The following ZNF785 variants were observed in gnomAD, a reference collection of about 807,000 sequenced individuals.
ZNF785 encodes the protein zinc finger protein 785.
Under a neutral mutation model 11.3 loss-of-function variants are expected in ZNF785, and 15 were observed. That is an observed-to-expected ratio of 1.32 (90% CI 0.89 to 2.04). ZNF785 has a LOEUF of 2.04. Among genes scored for constraint, ZNF785 ranks in the 30% most tolerant of loss-of-function variants. ZNF785 has a pLI of 0.00. For synonymous variants in ZNF785, 221 were observed against 231.0 expected, an observed-to-expected ratio of 0.96 and a Z score of 0.39; for missense variants, 572 against 560.9, an observed-to-expected ratio of 1.02 and a Z score of -0.20.
downstream of ZNF785, chr16:30,579,793 A>G (rs1430946050): frequency 2.2e-6 from 1 of 455,880 alleles, no homozygotes; most frequent in Non-Finnish European, 4.4e-6. Context: ...AGTCCCACCT[A>G]CCTCTTTTGT....
At chr16:30,578,508 TA>T (rs932762576), downstream of ZNF785, 3 of 152,204 alleles carry the variant, frequency 2.0e-5, no homozygotes, top group African/African-American at 7.2e-5. Context: ...AACTGAACTT[TA>T]AGTGGGAGCT....
At position 30,582,596 on chromosome 16, in the gene ZNF785, G is replaced by C. The variant is rs1597148395; in HGVS notation, c.1182C>G (p.Phe394Leu). 6.2e-7 allele frequency: 1 copy of C among 1,614,020 alleles called. No homozygotes were observed. Among genetic ancestry groups the C allele is most frequent in the South Asian group, 1.1e-5 (1 of 91,088 alleles). The stretch of plus-strand genomic sequence containing the variant: ...CTTGAAATATATCTGGAAAGTGCCG[G>C]AAGTGAACTGGGGGATCCTTGCCTC... ...VLGGKDPPVHFRHFPDIFQEC... is the reference protein window; with the variant it reads ...VLGGKDPPVHLRHFPDIFQEC... The change falls in exon 3 of 3, where the codon TTC becomes TTG. Residue 394 changes from phenylalanine to leucine, a missense_variant. Phe to Leu is a conservative substitution (Grantham distance 22, BLOSUM62 0). Transcript: ENST00000395216.
In ZNF785 at chr16:30,583,423, C is replaced by T. The variant is rs35974081; in HGVS notation, c.355G>A (p.Glu119Lys). ...GGACACTTCTTCAGCCTTTCCTTCT[C>T]CTCATTCCCATCCCTGGATCCTGAA... ...QEAGSRDGNE[E>K]KERLKKCPKQ... is the part of the protein sequence containing the mutation. Residue 119 changes from glutamate (E) to lysine (K), a missense_variant, in exon 3 of 3, where the codon GAG becomes AAG. By Grantham distance (56) the Glu-to-Lys change is moderately conservative. Coordinates refer to ENST00000395216, the MANE Select transcript of ZNF785 (RefSeq NM_152458.7). 14,654 of 1,553,224 alleles carry T rather than the reference C, an allele frequency of 9.4e-3. 93 individuals carry two copies. The highest frequency in any genetic ancestry group is 0.035 in the Middle Eastern group (200 of 5,768).
Position 30,585,112 on chromosome 16 carries a change from A to G in ZNF785, c.334+10T>C. 1 of 1,602,052 alleles carries G rather than the reference A, an allele frequency of 6.2e-7. No individual in the cohort carries two copies. Among genetic ancestry groups the G allele is most frequent in the Non-Finnish European group, 8.5e-7 (1 of 1,171,566 alleles). On this transcript the variant is annotated intron_variant, in intron 2 of 2. Coordinates refer to ENST00000395216, the MANE Select transcript of ZNF785 (RefSeq NM_152458.7). The surrounding 1 kb of genome is among the most constrained non-coding windows in gnomAD (Gnocchi z 4.0). ...GGGCTTCTCCACGGCTACTTATCCA[A>G]ATGAAGTACCTGCTTCCTGTCCTTG...
At chr16:30,578,471 C>T (rs976742414), downstream of ZNF785, 3 of 152,198 alleles carry the variant, frequency 2.0e-5, no homozygotes, top group East Asian at 1.9e-4. Context: ...GGGCTTCAAT[C>T]GACTTTACTT....
In ZNF785 at chr16:30,582,750, A is replaced by T; in HGVS notation, c.1028T>A (p.Val343Glu). 6.2e-7 allele frequency: 1 copy of T among 1,608,820 alleles called. No homozygotes were observed. The highest frequency in any genetic ancestry group is 8.5e-7 in the Non-Finnish European group (1 of 1,176,252). The change falls in exon 3 of 3, where the codon GTG (valine) becomes GAG (glutamate). Residue 343 changes from valine to glutamate, a missense_variant. Physicochemically the swap from Val to Glu is moderately radical, Grantham distance 121. Transcript: ENST00000395216. ...GCGCTTGAAGCCTTTCCCACACTCC[A>T]CGCAGGGGAAGGGCCGGCTGTCGGA... Reference protein sequence around the residue: ...IHSDSRPFPCVECGKGFKRKT... With the variant: ...IHSDSRPFPCEECGKGFKRKT...
Position 30,585,390 on chromosome 16 carries a change from G to C in ZNF785, c.205+17C>G. ...CACCGACGGACTGGGGGTCCCGGCC[G>C]GAGGGCCCGGCCTCACCCAGCGCGC... On this transcript the variant is annotated intron_variant, in intron 1 of 2. Transcript: ENST00000395216. This position sits in a 1 kb window ranked among gnomAD's most constrained non-coding sequence, Gnocchi z 4.0. 2 of 1,577,372 alleles carry C rather than the reference G, an allele frequency of 1.3e-6. No individual in the cohort carries two copies. The highest frequency in any genetic ancestry group is 1.7e-6 in the Non-Finnish European group (2 of 1,163,482).
rs2051839650 is a variant in ZNF785, at chr16:30,583,010, G to GT, written c.767dup (p.Tyr256Ter). Residue 256 changes from tyrosine (Y) to a stop codon, truncating the protein, a stop_gained and frameshift_variant, in exon 3 of 3, where the codon TAC becomes TAAC. Transcript: ENST00000395216. LOFTEE classifies it low-confidence loss of function (END_TRUNC). ...HRRAHTGEKP[Y>*]ACSDCKSRFT... is the part of the protein sequence containing the mutation. ...AGCGACTCTTGCAGTCTGAGCACGC[G>GT]TAAGGCTTCTCCCCGGTGTGAGCCC... 1 of 1,613,874 alleles carries GT rather than the reference G, an allele frequency of 6.2e-7. No homozygotes were observed. The highest frequency in any genetic ancestry group is 8.5e-7 in the Non-Finnish European group (1 of 1,179,980).
chr16:30,585,550 G>T lies in ZNF785; in HGVS notation c.62C>A (p.Thr21Lys). The part of the protein sequence containing the change: ...HVPGEAGPRR[T>K]RESRPGAVSF... ...CACGGCGCCCGGCCTGCTTTCCCTC[G>T]TCCTCCGGGGCCCGGCCTCCCCGGG... Residue 21 changes from threonine (T) to lysine (K), a missense_variant, in exon 1 of 3, where the codon ACG becomes AAG. Physicochemically the swap from Thr to Lys is moderately conservative, Grantham distance 78 (BLOSUM62 -1). Coordinates refer to ENST00000395216, the MANE Select transcript of ZNF785 (RefSeq NM_152458.7). The surrounding 1 kb of genome is among the most constrained non-coding windows in gnomAD (Gnocchi z 4.0). 2 of 1,564,774 alleles carry T rather than the reference G, an allele frequency of 1.3e-6. No individual in the cohort carries two copies. The highest frequency in any genetic ancestry group is 1.2e-5 in the South Asian group (1 of 86,086).
In ZNF785 at chr16:30,583,328, G is replaced by A. The variant is rs752178482; in HGVS notation, c.450C>T (p.Phe150=). 5.6e-6 allele frequency: 9 copies of A among 1,613,986 alleles called. No homozygotes were observed. The Admixed American group carries it at 1.3e-4, about 24-fold the overall frequency. ...EWWPSVACPE[F]CNPRQSPMNP... ...TCATGGGGCTCTGCCTAGGGTTGCAGAACTCTGGGCAGGCGACGCTGGGCC... is the reference window on the plus strand; with the variant it reads ...TCATGGGGCTCTGCCTAGGGTTGCAAAACTCTGGGCAGGCGACGCTGGGCC... The change falls in exon 3 of 3, where the codon TTC becomes TTT. Residue 150 remains phenylalanine (F), a synonymous_variant. Transcript: ENST00000395216.
downstream of ZNF785, among the ~76,000 whole-genome samples, chr16:30,580,213 A>G (rs1261964445): frequency 8.5e-6 from 1 of 117,498 alleles, no homozygotes; most frequent in Non-Finnish European, 1.7e-5. Context: ...TTTGAGATAG[A>G]GTCTTGCTCT....
Position 30,585,641 on chromosome 16 carries a change from G to T in ZNF785, c.-30C>A. The stretch of plus-strand genomic sequence containing the variant: ...AACCCTTTCTGCCTGGCAAAGGGAG[G>T]CTTCCGGGGAAGGTGGAGATGCTGG... On this transcript the variant is annotated 5_prime_UTR_variant, in exon 1 of 3. Transcript: ENST00000395216. The surrounding 1 kb of genome is among the most constrained non-coding windows in gnomAD (Gnocchi z 4.0). The T allele has an allele frequency of 6.9e-7, 1 of 1,453,274 alleles. No individual in the cohort carries two copies. Among genetic ancestry groups the T allele is most frequent in the South Asian group, 1.4e-5 (1 of 69,554 alleles). The allele number at this position is 1,453,274 out of a possible 1,614,324, so 90.0% of individuals were successfully genotyped here.
chr16:30,580,486 C>T (rs1237876048), downstream of ZNF785, among the ~76,000 whole-genome samples: 1 of 151,878 alleles, frequency 6.6e-6, no homozygotes, highest in African/African-American at 2.4e-5. Context: ...TCCCAAGTAG[C>T]TGGGACTACA....
At chr16:30,584,781 TTAC>T (rs1168266807) in intron 2 of ZNF785, among the ~76,000 whole-genome samples, 1 of 152,222 alleles carries the variant, frequency 6.6e-6, no homozygotes, top group Non-Finnish European at 1.5e-5. Flanking sequence ...ATGGTGTTAT[TTAC>T]TACACGTGGT....
At position 30,582,599 on chromosome 16, in the gene ZNF785, G is replaced by A; in HGVS notation, c.1179C>T (p.His393=). ...GAAATATATCTGGAAAGTGCCGGAAGTGAACTGGGGGATCCTTGCCTCCCA... is the reference window on the plus strand; with the variant it reads ...GAAATATATCTGGAAAGTGCCGGAAATGAACTGGGGGATCCTTGCCTCCCA... ...PVLGGKDPPV[H]FRHFPDIFQE... is the part of the protein sequence containing the mutation. Residue 393 remains histidine (H), a synonymous_variant, in exon 3 of 3, where the codon CAC becomes CAT. Coordinates refer to ENST00000395216, the MANE Select transcript of ZNF785 (RefSeq NM_152458.7). 2 of 1,614,158 alleles carry A rather than the reference G, an allele frequency of 1.2e-6. No homozygotes were observed. The highest frequency in any genetic ancestry group is 4.5e-5 in the East Asian group (2 of 44,886).
At chr16:30,579,675 C>G, downstream of ZNF785, 2 of 411,250 alleles carry the variant, frequency 4.9e-6, no homozygotes, top group Non-Finnish European at 9.9e-6. Flanking sequence ...CCACCGTGCC[C>G]GGCACCAGTT....
chr16:30,584,992 G>A (rs1429032473), intron 2 of ZNF785, 130 bp downstream of exon 2: 2 of 1,270,722 alleles, frequency 1.6e-6, no homozygotes, highest in African/African-American at 3.0e-5. Context: ...GCAGTGAGAT[G>A]AGGACGTTTC....
In ZNF785 at chr16:30,582,918, G is replaced by C. The variant is rs1743253614; in HGVS notation, c.860C>G (p.Pro287Arg). The C allele has an allele frequency of 6.2e-7, 1 of 1,613,328 alleles. No homozygotes were observed. Among genetic ancestry groups the C allele is most frequent in the Admixed American group, 1.7e-5 (1 of 59,898 alleles). Residue 287 changes from proline to arginine, a missense_variant, in exon 3 of 3, where the codon CCC (proline) becomes CGC (arginine). Transcript: ENST00000395216. ...GTAGGCGAAACGGAGGCTGCAATCG[G>C]GGCAGCTGTAGGGCTTCTCGCCCGT... The part of the protein sequence containing the change: ...KHTGEKPYSC[P>R]DCSLRFAYTS...
Position 30,583,118 on chromosome 16 carries a change from G to T in ZNF785, c.660C>A (p.Phe220Leu), listed in dbSNP as rs768555427. The stretch of plus-strand genomic sequence containing the variant: ...GGTAGGGCTTCTCGCCGGTGTGGAT[G>T]AACTGATGCTGGAGCAGGTACCTGC... ...SQRRYLLQHQ[F>L]IHTGEKPYPC... The change falls in exon 3 of 3, where the codon TTC (phenylalanine) becomes TTA (leucine). Residue 220 changes from phenylalanine (F) to leucine (L), a missense_variant. Phe to Leu is a conservative substitution (Grantham distance 22). Transcript: ENST00000395216. 3 of 1,614,016 alleles carry T rather than the reference G, an allele frequency of 1.9e-6. No individual in the cohort carries two copies. In the South Asian group the frequency reaches 3.3e-5, roughly 18 times the overall value.
Sources: gnomAD v4.1 joint callset for allele counts (sites outside exome capture counted in the v4.1 genomes callset) on GRCh38, gnomAD v4.1.1 for gene constraint, Gnocchi (gnomAD v3.1) non-coding constraint, MANE v1.5 for transcripts, NCBI Gene and HGNC (gene_info 2026-07-23, HGNC 2026-07-21) for gene names.